GMPS: variants seen among roughly 807,000 people sequenced by gnomAD.
GMPS encodes the protein guanosine monophosphate synthase, also known as GMP synthase [glutamine-hydrolyzing].
In GMPS, 15 loss-of-function variants were observed where a neutral mutation model predicts 77.9. The observed-to-expected ratio is 0.19, with a 90% CI of 0.13 to 0.30. The LOEUF (loss-of-function observed/expected upper bound fraction) is 0.30, where lower values mean the gene tolerates loss of function less well. Among genes scored for constraint, GMPS ranks in the 10% least tolerant of loss-of-function variants. The pLI is 1.00. For missense variants in GMPS, 590 were observed against 838.8 expected, an observed-to-expected ratio of 0.70 and a Z score of 3.66; for synonymous variants, 224 against 275.9, an observed-to-expected ratio of 0.81 and a Z score of 1.86.
intron 11 of GMPS, among the ~76,000 whole-genome samples, chr3:155,923,491 C>T (rs1442362203): frequency 6.6e-6 from 1 of 152,062 alleles, no homozygotes; most frequent in East Asian, 1.9e-4. Flanking sequence ...CTAGTAAGCA[C>T]ATCTTAGAGA....
chr3:155,930,782 A>G (rs887247221), intron 12 of GMPS, among the ~76,000 whole-genome samples: 2 of 152,154 alleles, frequency 1.3e-5, no homozygotes, highest in African/African-American at 2.4e-5. Flanking sequence ...CACTCAAAAA[A>G]CACAGGCAGA....
chr3:155,895,813 C>T lies in GMPS; in HGVS notation c.209+2114C>T, dbSNP rs1410898552. On this transcript the variant is annotated intron_variant, in intron 2 of 15. Transcript: ENST00000496455. ...AGTACTACTTGAGTTTTATCCTTAA[C>T]TAAGTCCATGACTTTTTTGTTTTTT... Among the ~76,000 whole-genome samples, 3 of 152,102 alleles carry T rather than the reference C, an allele frequency of 2.0e-5. No homozygotes were observed. The East Asian group carries it at 5.8e-4, about 29-fold the overall frequency.
At chr3:155,876,186 G>T (rs1754045513) in intron 1 of GMPS, among the ~76,000 whole-genome samples, 1 of 152,102 alleles carries the variant, frequency 6.6e-6, no homozygotes, top group South Asian at 2.1e-4. Flanking sequence ...CAGTGACCCA[G>T]CTTATAATGG....
rs1360195026 is a variant in GMPS at position 155,877,554 on chromosome 3, C to T, written c.27+6657C>T. On this transcript the variant is annotated intron_variant, in intron 1 of 15. Coordinates refer to ENST00000496455, the MANE Select transcript of GMPS (RefSeq NM_003875.3). Reference sequence around the variant, plus strand: ...AGGGTCCCCATTTTCCTGCAACCACCGCTCCCTCCCAGTCCTAGTCAACCA... The same window carrying T: ...AGGGTCCCCATTTTCCTGCAACCACTGCTCCCTCCCAGTCCTAGTCAACCA... Among the ~76,000 whole-genome samples, 5 of 152,186 alleles carry T rather than the reference C, an allele frequency of 3.3e-5. No homozygotes were observed. The East Asian group carries it at 5.8e-4, about 18-fold the overall frequency.
chr3:155,878,502 C>T (rs1349157427), intron 1 of GMPS, among the ~76,000 whole-genome samples: 3 of 152,124 alleles, frequency 2.0e-5, no homozygotes, highest in African/African-American at 7.2e-5. Flanking sequence ...TTTTCATGCT[C>T]TTGAGTATAA....
chr3:155,874,752 ACTTGT>A (rs1753994716), intron 1 of GMPS, among the ~76,000 whole-genome samples: 1 of 152,082 alleles, frequency 6.6e-6, no homozygotes, highest in Non-Finnish European at 1.5e-5. Context: ...AAAAGTATAG[ACTTGT>A]CTTATACTTG....
intron 12 of GMPS, among the ~76,000 whole-genome samples, chr3:155,930,661 C>G (rs1294866296): frequency 6.6e-6 from 1 of 152,156 alleles, no homozygotes; most frequent in Non-Finnish European, 1.5e-5. Flanking sequence ...AACAAATTTA[C>G]AAGAACAAAA....
At chr3:155,878,688 T>G (rs1318283776) in intron 1 of GMPS, among the ~76,000 whole-genome samples, 1 of 152,166 alleles carries the variant, frequency 6.6e-6, no homozygotes, top group Non-Finnish European at 1.5e-5. Context: ...ATAATAGATA[T>G]ATATATAGAG....
chr3:155,882,003 G>T (rs927231887), intron 1 of GMPS, among the ~76,000 whole-genome samples: 6 of 152,160 alleles, frequency 3.9e-5, no homozygotes, highest in Non-Finnish European at 8.8e-5. Context: ...GGGAAGCAGA[G>T]GTTGCAGTGA....
At chr3:155,898,390 A>G (rs1224963006) in intron 3 of GMPS, among the ~76,000 whole-genome samples, 1 of 152,222 alleles carries the variant, frequency 6.6e-6, no homozygotes, top group Non-Finnish European at 1.5e-5. Context: ...TGAAAGTTGC[A>G]CACGTGATGC....
chr3:155,929,332 C>T (rs892200424), intron 12 of GMPS, among the ~76,000 whole-genome samples: 18 of 152,054 alleles, frequency 1.2e-4, no homozygotes, highest in Admixed American at 9.2e-4. Flanking sequence ...GCATAAATGT[C>T]TTCTTTTGAG....
intron 9 of GMPS, among the ~76,000 whole-genome samples, chr3:155,918,422 C>T (rs543351263): frequency 1.1e-4 from 17 of 152,196 alleles, no homozygotes; most frequent in African/African-American, 2.2e-4. Context: ...ACTGCACTCC[C>T]GCCTGAGCGA....
chr3:155,913,236 G>GA (rs1755084709), intron 7 of GMPS, among the ~76,000 whole-genome samples: 1 of 152,192 alleles, frequency 6.6e-6, no homozygotes, highest in African/African-American at 2.4e-5. Context: ...TTTCCACAAT[G>GA]AAATAGCCAG....
chr3:155,909,879 C>T (rs1351555082), intron 5 of GMPS, among the ~76,000 whole-genome samples: 1 of 150,340 alleles, frequency 6.7e-6, no homozygotes, highest in East Asian at 2.0e-4. Context: ...GAGATCGAGA[C>T]TATAGTGAGC....
intron 1 of GMPS, among the ~76,000 whole-genome samples, chr3:155,886,930 C>A (rs12492258): frequency 0.055 from 8,309 of 152,112 alleles, 319 homozygotes; most frequent in East Asian, 0.18. Flanking sequence ...AGCTTTTCTG[C>A]AACTTTATGT....
chr3:155,869,765 A>G (rs1217007059), upstream of GMPS, among the ~76,000 whole-genome samples: 2 of 152,234 alleles, frequency 1.3e-5, no homozygotes, highest in South Asian at 2.1e-4. Flanking sequence ...ACAGTCTGAC[A>G]CAAGAATGAC....
intron 2 of GMPS, among the ~76,000 whole-genome samples, chr3:155,896,236 C>G (rs1444428823): frequency 3.3e-5 from 5 of 152,010 alleles, no homozygotes; most frequent in Non-Finnish European, 7.4e-5. Context: ...GTCTCGATCT[C>G]CTGACCTCGT....
At chr3:155,929,153 A>G (rs1755536167) in intron 12 of GMPS, among the ~76,000 whole-genome samples, 1 of 151,608 alleles carries the variant, frequency 6.6e-6, no homozygotes, top group Non-Finnish European at 1.5e-5. Flanking sequence ...AGTCCCACCA[A>G]CAGTGTAAAA....
intron 12 of GMPS, among the ~76,000 whole-genome samples, 176 bp from the exon 13 acceptor site, chr3:155,931,589 C>T (rs543967322): frequency 6.6e-6 from 1 of 150,744 alleles, no homozygotes; most frequent in African/African-American, 2.4e-5. Context: ...ATTAAAGAAG[C>T]ATTTAGTATA....
Sources: gnomAD v4.1 joint callset for allele counts (sites outside exome capture counted in the v4.1 genomes callset) on GRCh38, gnomAD v4.1.1 for gene constraint, MANE v1.5 for transcripts, NCBI Gene and HGNC (gene_info 2026-07-23, HGNC 2026-07-21) for gene names.